The following RAB27A variants were observed in gnomAD, a reference collection of about 807,000 sequenced individuals.
RAB27A encodes the protein RAB27A, member RAS oncogene family.
In RAB27A, 17 loss-of-function variants were observed where a neutral mutation model predicts 20.8. That is an observed-to-expected ratio of 0.82 (90% CI 0.56 to 1.23). The LOEUF (loss-of-function observed/expected upper bound fraction) is 1.23. Among genes scored for constraint, RAB27A ranks in the 50% most tolerant of loss-of-function variants. The pLI is 0.00. For missense variants in RAB27A, 277 were observed against 266.7 expected (o/e 1.04, Z -0.27); for synonymous variants, 85 against 92.8 (o/e 0.92, Z 0.48).
intron 2 of RAB27A, among the ~76,000 whole-genome samples, chr15:55,243,088 G>A (rs1465605537): frequency 6.6e-6 from 1 of 152,150 alleles, no homozygotes. Flanking sequence ...CTGTACTTCT[G>A]TGCTCAGAGT....
chr15:55,205,941 CG>C (rs1894628679), intron 6 of RAB27A, among the ~76,000 whole-genome samples: 1 of 151,942 alleles, frequency 6.6e-6, no homozygotes, highest in Non-Finnish European at 1.5e-5. Flanking sequence ...TTTGGCTGGG[CG>C]CAGTGGCTCA....
chr15:55,209,605 A>G (rs1465428310), intron 6 of RAB27A, among the ~76,000 whole-genome samples: 1 of 151,970 alleles, frequency 6.6e-6, no homozygotes, highest in Non-Finnish European at 1.5e-5. Context: ...ATGGGAGTAC[A>G]GAGAGCAAAT....
intron 6 of RAB27A, chr15:55,206,386 A>G: frequency 2.6e-6 from 1 of 386,026 alleles, no homozygotes; most frequent in Non-Finnish European, 3.5e-6. Flanking sequence ...CAGAGTCTCT[A>G]TCACCCAGGC....
intron 6 of RAB27A, among the ~76,000 whole-genome samples, chr15:55,215,303 T>C (rs1955268013): frequency 6.6e-6 from 1 of 152,186 alleles, no homozygotes; most frequent in Non-Finnish European, 1.5e-5. Flanking sequence ...GTGAAAGTAC[T>C]TTGAAAACTA....
At chr15:55,243,065 TG>T (rs1896553160) in intron 2 of RAB27A, among the ~76,000 whole-genome samples, 1 of 152,166 alleles carries the variant, frequency 6.6e-6, no homozygotes, top group Admixed American at 6.5e-5. Context: ...TCAGAGAGGT[TG>T]GGTTGAGGGA....
At chr15:55,283,913 C>G (rs983911772) in intron 1 of RAB27A, among the ~76,000 whole-genome samples, 1 of 152,160 alleles carries the variant, frequency 6.6e-6, no homozygotes, top group Non-Finnish European at 1.5e-5. Context: ...TAGTATTTAG[C>G]CATACCCTGA....
At chr15:55,297,916 G>A (rs897109019) in intron 2 of RAB27A, among the ~76,000 whole-genome samples, 1 of 152,052 alleles carries the variant, frequency 6.6e-6, no homozygotes, top group African/African-American at 2.4e-5. Flanking sequence ...AAAAATCCCA[G>A]TTGTGGCCAG....
chr15:55,241,624 A>ATATATATATATATGTGTGTG (rs377301086), intron 2 of RAB27A, among the ~76,000 whole-genome samples: 20 of 117,666 alleles, frequency 1.7e-4, no homozygotes, highest in African/African-American at 8.3e-4. Flanking sequence ...ATATATATAT[A>ATATATATATATATGTGTGTG]TGTGTGTATA....
rs946306834 is a variant in RAB27A, at chr15:55,288,161, A to G, written c.-143+1555T>C. Among the ~76,000 whole-genome samples the G allele has an allele frequency of 3.9e-5, 6 of 152,372 alleles. No individual in the cohort carries two copies. The East Asian group carries it at 7.7e-4, about 20-fold the overall frequency. ...AAAACTTTTAGAAGAAAACATAAGT[A>G]TAAATCTTCATGATCTTGAATTTGA... On this transcript the variant is annotated intron_variant, in intron 1 of 6. Transcript: ENST00000336787.
chr15:55,279,685 T>C (rs1057014304), intron 1 of RAB27A, among the ~76,000 whole-genome samples: 1 of 152,250 alleles, frequency 6.6e-6, no homozygotes, highest in African/African-American at 2.4e-5. Context: ...GTGTCTCACA[T>C]ACAGCAGGTG....
At chr15:55,236,902 T>C (rs74015524) in intron 2 of RAB27A, among the ~76,000 whole-genome samples, 6,923 of 152,220 alleles carry the variant, frequency 0.045, 545 homozygotes, top group African/African-American at 0.16. Flanking sequence ...TACATTTTTG[T>C]TAACTATAGT....
chr15:55,256,529 T>C (rs1189154630), intron 2 of RAB27A, among the ~76,000 whole-genome samples: 1 of 152,232 alleles, frequency 6.6e-6, no homozygotes, highest in African/African-American at 2.4e-5. Flanking sequence ...AAGAATAGGA[T>C]ACACAGCATG....
intron 2 of RAB27A, among the ~76,000 whole-genome samples, chr15:55,308,553 A>T (rs573065852): frequency 2.0e-5 from 3 of 152,350 alleles, no homozygotes; most frequent in African/African-American, 4.8e-5. Context: ...TTCCATCAGT[A>T]TACAAGTTGA....
intron 6 of RAB27A, among the ~76,000 whole-genome samples, chr15:55,217,224 T>A (rs1169628670): frequency 6.6e-6 from 1 of 152,128 alleles, no homozygotes; most frequent in African/African-American, 2.4e-5. Context: ...TTTGAGGCAG[T>A]AAGATTTTCA....
intron 3 of RAB27A, among the ~76,000 whole-genome samples, chr15:55,232,375 T>C (rs924111738): frequency 6.6e-6 from 1 of 152,144 alleles, no homozygotes; most frequent in African/African-American, 2.4e-5. Flanking sequence ...GGGGAAAGAA[T>C]CTGAGTTTCT....
In RAB27A at chr15:55,302,682, C is replaced by T. The variant is rs1269767480; in HGVS notation, c.-112+11357G>A. Among the ~76,000 whole-genome samples, 363 of 113,914 alleles carry T rather than the reference C, an allele frequency of 3.2e-3. 3 individuals are homozygous for T. Among genetic ancestry groups the T allele is most frequent in the Non-Finnish European group, 4.4e-3 (261 of 58,902 alleles). The allele number at this position is 113,914 out of a possible 152,430, so 74.7% of individuals were successfully genotyped here. ...CTAGGAAGTGAGGAGCGTCTCTGCC[C>T]GGCCGCCCATCGTCTGAGATGTGGG... is the stretch of plus-strand genomic sequence containing the variant. On this transcript the variant is annotated intron_variant, in intron 2 of 5. Coordinates refer to the RAB27A transcript ENST00000563262.
At chr15:55,279,813 A>C (rs547061577) in intron 1 of RAB27A, among the ~76,000 whole-genome samples, 2 of 152,324 alleles carry the variant, frequency 1.3e-5, no homozygotes, top group South Asian at 4.1e-4. Context: ...GCAGATGGCC[A>C]GGAAAGTTAA....
intron 1 of RAB27A, among the ~76,000 whole-genome samples, chr15:55,280,439 C>G (rs1897984898): frequency 6.6e-6 from 1 of 150,928 alleles, no homozygotes; most frequent in Non-Finnish European, 1.5e-5. Context: ...AGCCACAAAC[C>G]TAATAAATTA....
chr15:55,252,062 C>T (rs1194624542), intron 2 of RAB27A, among the ~76,000 whole-genome samples: 4 of 152,092 alleles, frequency 2.6e-5, no homozygotes, highest in African/African-American at 9.7e-5. Flanking sequence ...CAAGGTCAAA[C>T]ACCAAGAGAC....
Sources: allele counts gnomAD v4.1 joint callset (sites outside exome capture counted in the v4.1 genomes callset), GRCh38; gene constraint gnomAD v4.1.1; transcripts MANE v1.5; gene names NCBI Gene and HGNC (gene_info 2026-07-23, HGNC 2026-07-21).